ZFHX3: variants seen among roughly 807,000 people sequenced by gnomAD.
ZFHX3 encodes the protein zinc finger homeobox 3, also known as zinc finger homeobox protein 3.
Under a neutral mutation model 279.1 loss-of-function variants are expected in ZFHX3, and 42 were observed. The observed-to-expected ratio is 0.15, with a 90% CI of 0.12 to 0.19. ZFHX3 has a LOEUF of 0.19. Among genes scored for constraint, ZFHX3 ranks in the 10% least tolerant of loss-of-function variants. The probability of loss-of-function intolerance (pLI) is 1.00; values close to 1 mark genes in which losing one functional copy is unlikely to be tolerated. For missense variants in ZFHX3, 4,981 were observed against 4,754.0 expected (o/e 1.05, Z -1.40); for synonymous variants, 2,293 against 1,957.8 (o/e 1.17, Z -4.52).
chr16:72,983,493 G>A (rs1567618216), intron 1 of ZFHX3, among the ~76,000 whole-genome samples: 1 of 152,190 alleles, frequency 6.6e-6, no homozygotes, highest in Admixed American at 6.5e-5. Context: ...GATCACTTGA[G>A]CCTGGCAGTT....
chr16:73,163,393 G>A (rs1222276172), intron 5 of ZFHX3, among the ~76,000 whole-genome samples: 2 of 152,146 alleles, frequency 1.3e-5, no homozygotes, highest in African/African-American at 2.4e-5. Context: ...TACAAGCTGG[G>A]GCTCACAGGC....
chr16:73,830,340 T>A (rs28478675), intron 1 of ZFHX3, among the ~76,000 whole-genome samples: 4,125 of 150,136 alleles, frequency 0.027, 191 homozygotes, highest in African/African-American at 0.098. Flanking sequence ...GTACCTCAGA[T>A]GGAAATGCAG....
intron 3 of ZFHX3, among the ~76,000 whole-genome samples, chr16:73,324,021 G>A (rs1022907531): frequency 3.9e-5 from 6 of 152,212 alleles, no homozygotes; most frequent in African/African-American, 1.2e-4. Context: ...CCTTGGGCCC[G>A]AGTGTATGGT....
At position 73,273,880 on chromosome 16, in the gene ZFHX3, C is replaced by T. The variant is rs189778275; in HGVS notation, c.-1193-16744G>A. On this transcript the variant is annotated intron_variant, in intron 4 of 17. Transcript: ENST00000641206. ...TTTGTAGGCCGGATGCGGTGGCTCACGCCTGTAATCCCAGCACTTTGGGAG... is the reference window on the plus strand; with the variant it reads ...TTTGTAGGCCGGATGCGGTGGCTCATGCCTGTAATCCCAGCACTTTGGGAG... Among the ~76,000 whole-genome samples, 343 of 152,300 alleles carry T rather than the reference C, an allele frequency of 2.3e-3. 1 individual carries two copies. The highest frequency in any genetic ancestry group is 7.8e-3 in the African/African-American group (326 of 41,586).
chr16:73,270,736 A>C (rs1192543979), intron 4 of ZFHX3, among the ~76,000 whole-genome samples: 1 of 152,084 alleles, frequency 6.6e-6, no homozygotes, highest in East Asian at 1.9e-4. Context: ...GAGTTTAAAA[A>C]CATATGGATG....
intron 2 of ZFHX3, among the ~76,000 whole-genome samples, chr16:73,519,540 T>A (rs557551335): frequency 2.0e-5 from 3 of 152,172 alleles, no homozygotes; most frequent in African/African-American, 4.8e-5. Context: ...TGTACCTTGG[T>A]TGATTGGAAT....
intron 2 of ZFHX3, among the ~76,000 whole-genome samples, chr16:73,469,995 C>A (rs4888346): frequency 6.6e-6 from 1 of 151,972 alleles, no homozygotes. Flanking sequence ...TTCTAATGTG[C>A]GGAAAAGCTG....
At chr16:73,377,815 C>T (rs761997410) in intron 3 of ZFHX3, among the ~76,000 whole-genome samples, 14 of 151,274 alleles carry the variant, frequency 9.3e-5, no homozygotes, top group Non-Finnish European at 2.1e-4. Context: ...GGGCAGATCA[C>T]GAGGTCAGGA....
chr16:72,840,884 C>T (rs536889601), intron 4 of ZFHX3, among the ~76,000 whole-genome samples: 1 of 152,314 alleles, frequency 6.6e-6, no homozygotes, highest in East Asian at 1.9e-4. Flanking sequence ...AAGGCTTACA[C>T]TTTCCAAACC....
rs191573738 is a variant in ZFHX3, at chr16:73,604,485, C to T, written c.-1547+75695G>A. Among the ~76,000 whole-genome samples, 164 of 152,224 alleles carry T rather than the reference C, an allele frequency of 1.1e-3. 1 individual carries two copies. The highest frequency in any genetic ancestry group is 3.8e-3 in the African/African-American group (159 of 41,532). Reference sequence around the variant, plus strand: ...CATGGGCCAGGCACAGTGACTCACGCCTGTAATCCCAGCACTTTGGGAGGT... The same window carrying T: ...CATGGGCCAGGCACAGTGACTCACGTCTGTAATCCCAGCACTTTGGGAGGT... On this transcript the variant is annotated intron_variant, in intron 2 of 17. Coordinates refer to the ZFHX3 transcript ENST00000641206.
At chr16:73,367,849 T>C (rs2016556690) in intron 3 of ZFHX3, among the ~76,000 whole-genome samples, 1 of 149,436 alleles carries the variant, frequency 6.7e-6, no homozygotes, top group South Asian at 2.1e-4. Context: ...GACATATACA[T>C]AGAGGATTAA....
chr16:73,026,420 C>T (rs997810913), intron 1 of ZFHX3, among the ~76,000 whole-genome samples: 164 of 151,956 alleles, frequency 1.1e-3, no homozygotes, highest in African/African-American at 3.6e-3. Context: ...GCCTGTAATC[C>T]CAACACTTTG....
intron 1 of ZFHX3, among the ~76,000 whole-genome samples, chr16:73,834,601 A>G (rs1256135006): frequency 6.6e-6 from 1 of 152,242 alleles, no homozygotes; most frequent in Admixed American, 6.5e-5. Context: ...AGTAGTGGGA[A>G]AGAAGTGTCA....
intron 1 of ZFHX3, among the ~76,000 whole-genome samples, chr16:73,024,874 T>C (rs1208191078): frequency 4.6e-5 from 7 of 152,176 alleles, no homozygotes; most frequent in African/African-American, 1.4e-4. Flanking sequence ...AGCGGCTACA[T>C]GTCCCCCAGA....
intron 2 of ZFHX3, among the ~76,000 whole-genome samples, chr16:73,546,729 TGCTGC>T (rs2020119443): frequency 6.8e-6 from 1 of 146,630 alleles, no homozygotes; most frequent in Non-Finnish European, 1.5e-5. Flanking sequence ...CTGCTGCTGC[TGCTGC>T]TGTTGCTTCT....
intron 2 of ZFHX3, among the ~76,000 whole-genome samples, chr16:73,669,531 G>T (rs1182631622): frequency 6.6e-6 from 1 of 152,182 alleles, no homozygotes; most frequent in Non-Finnish European, 1.5e-5. Context: ...ATAAAAAGGG[G>T]TATCCATGAA....
Position 72,797,815 on chromosome 16 carries a change from T to C in ZFHX3, c.4867A>G (p.Lys1623Glu). 6.2e-7 allele frequency: 1 copy of C among 1,614,086 alleles called. No homozygotes were observed. The highest frequency in any genetic ancestry group is 8.5e-7 in the Non-Finnish European group (1 of 1,180,022). Residue 1623 changes from lysine to glutamate, a missense_variant, in exon 9 of 10, where the codon AAG becomes GAG. By Grantham distance (56) the Lys-to-Glu change is moderately conservative. This residue lies in a region of ZFHX3 where 1,751 missense variants were observed against 1,770.0 expected (regional missense o/e 0.99). Coordinates refer to ENST00000268489, the MANE Select transcript of ZFHX3 (RefSeq NM_006885.4). ...GCCTCCAGCTTGGCTGCCCGGGCCT[T>C]GGTTTGATGTAACACAGACCTCATA... ...IHMRSVLHQT[K>E]ARAAKLEAAS...
At chr16:73,217,524 A>G (rs1018737168) in intron 5 of ZFHX3, among the ~76,000 whole-genome samples, 2 of 152,186 alleles carry the variant, frequency 1.3e-5, no homozygotes, top group Non-Finnish European at 2.9e-5. Flanking sequence ...AATTAAGACC[A>G]TTGTAAATTT....
chr16:73,170,728 A>G (rs1967501001), intron 5 of ZFHX3, among the ~76,000 whole-genome samples: 1 of 152,176 alleles, frequency 6.6e-6, no homozygotes, highest in African/African-American at 2.4e-5. Flanking sequence ...GGACAAAGGA[A>G]AAGAATGACC....
Sources: gnomAD v4.1 joint callset for allele counts (sites outside exome capture counted in the v4.1 genomes callset) on GRCh38, gnomAD v4.1.1 for gene constraint, gnomAD v4.1.1 regional missense constraint, MANE v1.5 for transcripts, NCBI Gene and HGNC (gene_info 2026-07-23, HGNC 2026-07-21) for gene names.